The following RUVBL1 variants were observed in gnomAD, a reference collection of about 807,000 sequenced individuals.
The protein encoded by RUVBL1 is RuvB like AAA ATPase 1.
RUVBL1 carries 4 observed loss-of-function variants against 52.4 expected under a neutral mutation model. The ratio of observed to expected loss-of-function variants is 0.08; its 90% CI spans 0.04 to 0.17. RUVBL1 has a LOEUF of 0.17. Among genes scored for constraint, RUVBL1 ranks in the 10% least tolerant of loss-of-function variants. RUVBL1 has a pLI of 1.00. For missense variants in RUVBL1, 298 were observed against 572.8 expected (o/e 0.52, Z 4.90); for synonymous variants, 217 against 214.4 (o/e 1.01, Z -0.10).
chr3:128,109,484 C>A (rs897850708), intron 3 of RUVBL1, among the ~76,000 whole-genome samples: 2 of 152,106 alleles, frequency 1.3e-5, no homozygotes, highest in African/African-American at 4.8e-5. Flanking sequence ...TGGGCTCAAG[C>A]GATTCTCATG....
chr3:128,150,892 C>CTATATATATAATATAATATTCTATAT (rs1559841606), intron 1 of RUVBL1, among the ~76,000 whole-genome samples: 6 of 57,894 alleles, frequency 1.0e-4, no homozygotes, highest in Non-Finnish European at 1.8e-4. Flanking sequence ...TATATATATT[C>CTATATATATAATATAATATTCTATAT]TATATATATA....
downstream of RUVBL1, among the ~76,000 whole-genome samples, chr3:128,076,822 C>A (rs964549230): frequency 6.6e-6 from 1 of 152,234 alleles, no homozygotes; most frequent in East Asian, 1.9e-4. The surrounding 1 kb of genome is among the most constrained non-coding windows in gnomAD (Gnocchi z 6.8). Context: ...TGCAGCGTGC[C>A]GTGTGCGGCG....
chr3:128,113,395 G>A (rs189694889), intron 2 of RUVBL1, among the ~76,000 whole-genome samples: 2 of 152,244 alleles, frequency 1.3e-5, no homozygotes, highest in Admixed American at 6.5e-5. Flanking sequence ...AAATGGCAGC[G>A]CAGATTTAAT....
intron 9 of RUVBL1, among the ~76,000 whole-genome samples, chr3:128,085,980 G>A (rs1052900676): frequency 2.0e-5 from 3 of 152,196 alleles, no homozygotes; most frequent in South Asian, 2.1e-4. Flanking sequence ...GAACTTGGGC[G>A]AATTAGTTAC....
chr3:128,065,974 C>T (rs887500179), intron 9 of RUVBL1, among the ~76,000 whole-genome samples: 5 of 151,894 alleles, frequency 3.3e-5, no homozygotes, highest in African/African-American at 1.2e-4. Context: ...GATCTCCTGA[C>T]CTCGTGATCC....
chr3:128,073,502 A>T (rs1269300074), intron 9 of RUVBL1, among the ~76,000 whole-genome samples: 1 of 152,158 alleles, frequency 6.6e-6, no homozygotes, highest in East Asian at 1.9e-4. Flanking sequence ...GGCATGTGGC[A>T]CTGTCCGAGA....
intron 1 of RUVBL1, among the ~76,000 whole-genome samples, chr3:128,144,859 G>A (rs974275171): frequency 3.9e-5 from 6 of 152,176 alleles, no homozygotes; most frequent in African/African-American, 9.7e-5. Context: ...CATTCTTGGG[G>A]TGGGCTCATG....
chr3:128,133,986 G>A lies in RUVBL1; in HGVS notation c.-39-14572C>T, dbSNP rs368051495. 1.2e-4 allele frequency among the ~76,000 whole-genome samples: 19 copies of A among 152,158 alleles called. No homozygotes were observed. In the South Asian group the frequency reaches 2.1e-3, roughly 17 times the overall value. On this transcript the variant is annotated intron_variant, in intron 1 of 9. Transcript: ENST00000464873. ...TTCAAAATAGCTCTTTTGAGGAAGCGCAACGAAATTCAAGATAATGCAGAG... is the reference window on the plus strand; with the variant it reads ...TTCAAAATAGCTCTTTTGAGGAAGCACAACGAAATTCAAGATAATGCAGAG...
rs1274515468 is a variant in RUVBL1, at chr3:128,067,376, TAAA to T, written c.940-2159_940-2157del. On this transcript the variant is annotated intron_variant, in intron 9 of 9. Transcript: ENST00000464873. The surrounding 1 kb of genome is among the most constrained non-coding windows in gnomAD (Gnocchi z 4.1). Reference sequence around the variant, plus strand: ...AACTATTTTTGCCTTGATGCTAAAGTAAAATGAAGGAGCACTCACATGCGTTTG... The same window carrying T: ...AACTATTTTTGCCTTGATGCTAAAGTATGAAGGAGCACTCACATGCGTTTG... 1 of 1,572,266 alleles carries T rather than the reference TAAA, an allele frequency of 6.4e-7. No homozygotes were observed. The highest frequency in any genetic ancestry group is 8.6e-7 in the Non-Finnish European group (1 of 1,158,516).
intron 1 of RUVBL1, among the ~76,000 whole-genome samples, chr3:128,135,398 C>T (rs1313920883): frequency 2.0e-5 from 3 of 151,908 alleles, no homozygotes; most frequent in South Asian, 2.1e-4. Context: ...CCAGGTGTGG[C>T]GGCATGCACC....
intron 1 of RUVBL1, among the ~76,000 whole-genome samples, chr3:128,141,164 A>T (rs1944015660): frequency 6.6e-6 from 1 of 152,234 alleles, no homozygotes; most frequent in African/African-American, 2.4e-5. Flanking sequence ...GGTGTTCCCT[A>T]GATAGCACAG....
chr3:128,066,649 T>C, intron 9 of RUVBL1: 1 of 394,784 alleles, frequency 2.5e-6, no homozygotes, highest in South Asian at 4.0e-5. Flanking sequence ...GTATCGAACT[T>C]CTGGGCTCAA....
intron 1 of RUVBL1, 59 bp downstream of exon 1, chr3:128,123,525 G>C: frequency 2.7e-6 from 4 of 1,479,290 alleles, no homozygotes; most frequent in Non-Finnish European, 3.6e-6. Context: ...GACTTCAGCA[G>C]CTCTCTCGCC....
rs1943169243 is a variant in RUVBL1 at position 128,104,092 on chromosome 3, G to T, written c.513+681C>A. Reference sequence around the variant, plus strand: ...ACTCAGAGATTAATGCCACACAGTTGTAAGTAACAAAGCCAGGGATTCCTT... The same window carrying T: ...ACTCAGAGATTAATGCCACACAGTTTTAAGTAACAAAGCCAGGGATTCCTT... On this transcript the variant is annotated intron_variant, in intron 4 of 10. Coordinates refer to ENST00000322623, the MANE Select transcript of RUVBL1 (RefSeq NM_003707.3). Among the ~76,000 whole-genome samples the T allele has an allele frequency of 2.6e-5, 4 of 152,308 alleles. No homozygotes were observed. The South Asian group carries it at 8.3e-4, about 32-fold the overall frequency.
exon 1 of RUVBL1, chr3:128,153,654 C>A: frequency 6.3e-7 from 1 of 1,598,622 alleles, no homozygotes; most frequent in South Asian, 1.1e-5. Flanking sequence ...GCATCACGCT[C>A]GATCTGGGCT....
rs751790811 is a variant in RUVBL1, at chr3:128,100,671, C to G, written c.677G>C (p.Gly226Ala). ...EAEEYVPLPKGDVHKKKEIIQ... is the reference protein window; with the variant it reads ...EAEEYVPLPKADVHKKKEIIQ... ...GATTTCTTTCTTTTTGTGCACATCC[C>G]CTTTTGGCAAGGGGACATACTCTTC... Residue 226 changes from glycine to alanine, a missense_variant, in exon 6 of 11, where the codon GGG becomes GCG. Physicochemically the swap from Gly to Ala is moderately conservative, Grantham distance 60. Around this residue, in one of 5 missense-constraint regions of RUVBL1, gnomAD observed 161 missense variants for 298.3 expected, o/e 0.54. Transcript: ENST00000322623. 6.2e-7 allele frequency: 1 copy of G among 1,613,928 alleles called. No homozygotes were observed. The highest frequency in any genetic ancestry group is 8.5e-7 in the Non-Finnish European group (1 of 1,179,976).
In RUVBL1 at chr3:128,135,462, G is replaced by T. The variant is rs143159483; in HGVS notation, c.-39-16048C>A. On this transcript the variant is annotated intron_variant, in intron 1 of 9. Transcript: ENST00000464873. ...GCAGGAGAATCGCTTGAACCCAGGA[G>T]GCGGAAGTTGTAGTAAGCCAAGATT... Among the ~76,000 whole-genome samples, 235 of 152,344 alleles carry T rather than the reference G, an allele frequency of 1.5e-3. 1 individual carries two copies. Among genetic ancestry groups the T allele is most frequent in the African/African-American group, 5.2e-3 (218 of 41,578 alleles).
At chr3:128,153,862 C>A in exon 1 of RUVBL1, 1 of 1,461,872 alleles carries the variant, frequency 6.8e-7, no homozygotes, top group Middle Eastern at 2.3e-4. Flanking sequence ...CTCAGGGACG[C>A]GGGCGGAGCG....
chr3:128,135,261 G>A (rs1943932431), intron 1 of RUVBL1, among the ~76,000 whole-genome samples: 1 of 152,218 alleles, frequency 6.6e-6, no homozygotes, highest in Non-Finnish European at 1.5e-5. Context: ...GGCTGGGCAT[G>A]GTGGCTCATG....
Sources: allele counts gnomAD v4.1 joint callset (sites outside exome capture counted in the v4.1 genomes callset), GRCh38; gene constraint gnomAD v4.1.1; regional missense constraint gnomAD v4.1.1; non-coding constraint Gnocchi (gnomAD v3.1); transcripts MANE v1.5; gene names NCBI Gene and HGNC (gene_info 2026-07-23, HGNC 2026-07-21).